Variants in WDR7 observed in about 807,000 individuals in gnomAD.
WDR7 encodes WD repeat-containing protein 7.
A neutral mutation model predicts 169.4 loss-of-function variants in WDR7; 46 were observed. The ratio of observed to expected loss-of-function variants is 0.27; its 90% CI spans 0.21 to 0.35. The LOEUF (loss-of-function observed/expected upper bound fraction) is 0.35, where lower values mean the gene tolerates loss of function less well. Among genes scored for constraint, WDR7 ranks in the 10% least tolerant of loss-of-function variants. WDR7 has a pLI of 1.00. For synonymous variants in WDR7, 612 were observed against 666.8 expected, an observed-to-expected ratio of 0.92 and a Z score of 1.27; for missense variants, 1,534 against 1,859.3, an observed-to-expected ratio of 0.83 and a Z score of 3.22.
At chr18:56,894,522 C>G (rs1215553088) in intron 21 of WDR7, among the ~76,000 whole-genome samples, 1 of 152,060 alleles carries the variant, frequency 6.6e-6, no homozygotes, top group Non-Finnish European at 1.5e-5. Context: ...GAGACCTATC[C>G]AGATCACTCT....
In WDR7 at chr18:56,871,013, G is replaced by A. The variant is rs2045945030; in HGVS notation, c.3305-8931G>A. ...CCATATCACATTTAAAATATCCTTG[G>A]GACTGAGAAAATAGAAATAAAATGA... On this transcript the variant is annotated intron_variant, in intron 20 of 27. Transcript: ENST00000254442. Among the ~76,000 whole-genome samples, 3 of 151,802 alleles carry A rather than the reference G, an allele frequency of 2.0e-5. No homozygotes were observed. In the South Asian group the frequency reaches 6.2e-4, roughly 31 times the overall value.
intron 26 of WDR7, chr18:57,010,304 C>G: frequency 1.0e-6 from 1 of 983,420 alleles, no homozygotes; most frequent in Non-Finnish European, 1.2e-6. Context: ...TTCATATGAG[C>G]AGTGTAAATA....
At chr18:56,919,419 C>A (rs1036510379) in intron 21 of WDR7, among the ~76,000 whole-genome samples, 7 of 152,256 alleles carry the variant, frequency 4.6e-5, no homozygotes, top group Middle Eastern at 3.4e-3. Flanking sequence ...ATTACAGGAA[C>A]CTTGGTATTG....
chr18:56,936,391 C>T (rs960388384), intron 23 of WDR7, among the ~76,000 whole-genome samples: 2 of 152,188 alleles, frequency 1.3e-5, no homozygotes, highest in African/African-American at 4.8e-5. Context: ...AGTGTTCAAA[C>T]TAATTGCCCA....
chr18:56,731,412 A>AC lies in WDR7; in HGVS notation c.1805dup (p.Ala603SerfsTer3). On this transcript the variant is annotated frameshift_variant, in exon 14 of 28. Coordinates refer to ENST00000254442, the MANE Select transcript of WDR7 (RefSeq NM_015285.3). LOFTEE classifies it high-confidence loss of function. ...ATTGGATCGTTGTGTGATGGGGATA[A>AC]CAGCAGTTGAGATTCTAAACGCTTG... 6.2e-7 allele frequency: 1 copy of AC among 1,614,150 alleles called. No homozygotes were observed. Among genetic ancestry groups the AC allele is most frequent in the Non-Finnish European group, 8.5e-7 (1 of 1,180,012 alleles).
chr18:56,707,269 T>C (rs1053491153), intron 12 of WDR7, among the ~76,000 whole-genome samples: 4 of 152,100 alleles, frequency 2.6e-5, no homozygotes, highest in African/African-American at 9.7e-5. Flanking sequence ...AGGCATGAGC[T>C]ACCATGCCCA....
intron 2 of WDR7, among the ~76,000 whole-genome samples, chr18:56,673,724 A>G (rs1027361090): frequency 1.3e-5 from 2 of 151,492 alleles, no homozygotes; most frequent in Non-Finnish European, 2.9e-5. Flanking sequence ...AGTCCCAGCT[A>G]CTCCAGAGGC....
At chr18:56,769,452 A>G (rs953155928) in intron 16 of WDR7, among the ~76,000 whole-genome samples, 2 of 151,382 alleles carry the variant, frequency 1.3e-5, no homozygotes, top group East Asian at 1.9e-4. Context: ...TCCCACCCCA[A>G]CCTCCCAAAG....
At chr18:56,734,553 C>T (rs1192650927) in intron 14 of WDR7, among the ~76,000 whole-genome samples, 1 of 150,790 alleles carries the variant, frequency 6.6e-6, no homozygotes, top group Non-Finnish European at 1.5e-5. Context: ...CTTGAAATAG[C>T]AGGAATCCTG....
chr18:57,031,483 A>G (rs1234514931), downstream of WDR7: 1 of 152,234 alleles, frequency 6.6e-6, no homozygotes, highest in Non-Finnish European at 1.5e-5. Flanking sequence ...AGTGGTGCCC[A>G]TACCTGCCAG....
intron 11 of WDR7, among the ~76,000 whole-genome samples, chr18:56,695,455 G>A (rs1158463565): frequency 2.0e-5 from 3 of 151,556 alleles, no homozygotes; most frequent in Non-Finnish European, 4.4e-5. Flanking sequence ...TCATCTCTTA[G>A]TTATCTCTAT....
At chr18:56,959,869 G>A (rs1442429598) in intron 25 of WDR7, among the ~76,000 whole-genome samples, 1 of 152,144 alleles carries the variant, frequency 6.6e-6, no homozygotes, top group Non-Finnish European at 1.5e-5. Flanking sequence ...ACCCTACATG[G>A]AGGACTGGCT....
At position 56,781,671 on chromosome 18, in the gene WDR7, G is replaced by T; in HGVS notation, c.3190+15G>T. The stretch of plus-strand genomic sequence containing the variant: ...CGTCATATCACGTAAGAGTTCTCAT[G>T]CTTCTCTACAAAGCTTTGCAGGAAT... On this transcript the variant is annotated intron_variant, in intron 19 of 27. Transcript: ENST00000254442. 1 of 1,572,394 alleles carries T rather than the reference G, an allele frequency of 6.4e-7. No individual in the cohort carries two copies. Among genetic ancestry groups the T allele is most frequent in the Non-Finnish European group, 8.6e-7 (1 of 1,157,554 alleles).
chr18:56,805,250 G>T (rs960439315), intron 19 of WDR7, among the ~76,000 whole-genome samples: 2 of 152,108 alleles, frequency 1.3e-5, no homozygotes, highest in Non-Finnish European at 2.9e-5. Flanking sequence ...TAATTTCCAA[G>T]TGAAGACAAT....
At chr18:56,811,589 T>G (rs1261689357) in intron 19 of WDR7, among the ~76,000 whole-genome samples, 1 of 152,178 alleles carries the variant, frequency 6.6e-6, no homozygotes, top group Admixed American at 6.5e-5. Context: ...CTGAGTTTTT[T>G]TGGAAAAATT....
chr18:56,817,395 C>A (rs1444295513), intron 20 of WDR7, among the ~76,000 whole-genome samples: 4 of 151,602 alleles, frequency 2.6e-5, no homozygotes, highest in Non-Finnish European at 5.9e-5. Flanking sequence ...GGGAGATTTC[C>A]TCCTTCCCTC....
chr18:56,691,116 T>A, intron 7 of WDR7, 100 bp from the exon 8 acceptor site: 6 of 1,502,854 alleles, frequency 4.0e-6, no homozygotes, highest in Non-Finnish European at 4.5e-6. Flanking sequence ...CTGAGTTTTC[T>A]AAATACATTT....
rs569671737 is a variant in WDR7 at position 56,693,017 on chromosome 18, A to G, written c.966+1200A>G. 1.1e-4 allele frequency among the ~76,000 whole-genome samples: 16 copies of G among 152,246 alleles called. No individual in the cohort carries two copies. The South Asian group carries it at 3.3e-3, about 32-fold the overall frequency. On this transcript the variant is annotated intron_variant, in intron 9 of 27. Coordinates refer to ENST00000254442, the MANE Select transcript of WDR7 (RefSeq NM_015285.3). ...GAGGTGGAGGCTGCAGTGAGCTGTG[A>G]TCGTGCCACTGCACTCCAGCCTGGG... is the stretch of plus-strand genomic sequence containing the variant.
intron 26 of WDR7, among the ~76,000 whole-genome samples, chr18:57,011,533 GT>G (rs2048135538): frequency 6.6e-6 from 1 of 152,030 alleles, no homozygotes; most frequent in Non-Finnish European, 1.5e-5. Flanking sequence ...CAATTAGATG[GT>G]GATAGAAAAT....
Sources: allele counts gnomAD v4.1 joint callset (sites outside exome capture counted in the v4.1 genomes callset), GRCh38; gene constraint gnomAD v4.1.1; transcripts MANE v1.5; gene names NCBI Gene and HGNC (gene_info 2026-07-23, HGNC 2026-07-21).